Variants in RANBP2 observed in about 807,000 individuals in gnomAD.
RANBP2 encodes E3 SUMO-protein ligase RanBP2.
Under a neutral mutation model 303.6 loss-of-function variants are expected in RANBP2, and 57 were observed. That is an observed-to-expected ratio of 0.19 (90% CI 0.15 to 0.23). The LOEUF (loss-of-function observed/expected upper bound fraction) is 0.23, where lower values mean the gene tolerates loss of function less well. Ranked by LOEUF, RANBP2 falls within the 10% of genes least tolerant of loss-of-function variation. The pLI, the probability that RANBP2 is intolerant of heterozygous loss-of-function variation, is 1.00. For missense variants in RANBP2, 3,138 were observed against 3,780.8 expected, an observed-to-expected ratio of 0.83 and a Z score of 4.46; for synonymous variants, 1,167 against 1,301.5, an observed-to-expected ratio of 0.90 and a Z score of 2.23.
the RANBP2 span, among the ~76,000 whole-genome samples, chr2:108,871,560 A>T: frequency 6.6e-6 from 1 of 152,094 alleles, no homozygotes; most frequent in African/African-American, 2.4e-5. Context: ...TCCAAAAAAA[A>T]TAAAAGTTCC....
rs781162288 is a variant in RANBP2 at position 108,766,334 on chromosome 2, A to G, written c.5795A>G (p.Asn1932Ser). ...GCTCAGGATATTAGTGGCCAGAAGAATGGCCGTGGTGTGATTTTTGGCCAA... is the reference window on the plus strand; with the variant it reads ...GCTCAGGATATTAGTGGCCAGAAGAGTGGCCGTGGTGTGATTTTTGGCCAA... ...FQAQDISGQK[N>S]GRGVIFGQTS... Residue 1932 changes from asparagine (N) to serine (S), a missense_variant, in exon 20 of 29, where the codon AAT (asparagine) becomes AGT (serine). This residue lies in a region of RANBP2 where 348 missense variants were observed against 360.4 expected (regional missense o/e 0.97). Coordinates refer to ENST00000283195, the MANE Select transcript of RANBP2 (RefSeq NM_006267.5). 11 of 1,611,854 alleles carry G rather than the reference A, an allele frequency of 6.8e-6. No homozygotes were observed. The highest frequency in any genetic ancestry group is 9.3e-6 in the Non-Finnish European group (11 of 1,179,860).
At chr2:109,598,965 A>T in the RANBP2 span, among the ~76,000 whole-genome samples, 1 of 152,180 alleles carries the variant, frequency 6.6e-6, no homozygotes, top group African/African-American at 2.4e-5. Context: ...TTGAAACAAT[A>T]CTTTGAAAGA....
the RANBP2 span, among the ~76,000 whole-genome samples, chr2:109,220,201 G>A: frequency 6.6e-6 from 1 of 152,208 alleles, no homozygotes; most frequent in East Asian, 1.9e-4. Context: ...AACAAATGGT[G>A]CTGGGAAAAC....
chr2:109,035,187 G>T, the RANBP2 span, among the ~76,000 whole-genome samples: 1 of 152,128 alleles, frequency 6.6e-6, no homozygotes, highest in Non-Finnish European at 1.5e-5. Flanking sequence ...CCAAGTCAGG[G>T]CTCCCAACCT....
the RANBP2 span, among the ~76,000 whole-genome samples, chr2:108,796,400 A>G: frequency 2.0e-5 from 3 of 152,228 alleles, no homozygotes; most frequent in African/African-American, 7.2e-5. Flanking sequence ...CTTTGTAAGT[A>G]CAGCCACTGT....
Position 108,719,591 on chromosome 2 carries a change from C to G in RANBP2, c.-16C>G. 3 of 1,600,502 alleles carry G rather than the reference C, an allele frequency of 1.9e-6. No homozygotes were observed. The East Asian group carries it at 6.7e-5, about 36-fold the overall frequency. On this transcript the variant is annotated 5_prime_UTR_variant, in exon 1 of 29. Transcript: ENST00000283195. ...GCGCTGGTCTCACGCGCCTCGGGAG[C>G]CAGGTTGGCGGCGCGATGAGGCGCA...
At chr2:109,054,890 G>C in the RANBP2 span, among the ~76,000 whole-genome samples, 3 of 152,124 alleles carry the variant, frequency 2.0e-5, no homozygotes, top group Admixed American at 2.0e-4. Context: ...ATGCACATGG[G>C]ACAGGCAATA....
the RANBP2 span, among the ~76,000 whole-genome samples, chr2:109,635,213 C>T: frequency 1.6e-4 from 25 of 152,218 alleles, no homozygotes; most frequent in Middle Eastern, 6.8e-3. Flanking sequence ...GATGGAGTCT[C>T]GCTCTGTTGC....
chr2:109,462,564 A>G, the RANBP2 span, among the ~76,000 whole-genome samples: 1 of 152,116 alleles, frequency 6.6e-6, no homozygotes, highest in African/African-American at 2.4e-5. Context: ...CAAGTCTTTG[A>G]TGGTGGCACT....
the RANBP2 span, among the ~76,000 whole-genome samples, chr2:109,051,255 C>A: frequency 6.6e-6 from 1 of 152,194 alleles, no homozygotes; most frequent in Non-Finnish European, 1.5e-5. Flanking sequence ...CTGCAGAAGG[C>A]TTTTGTACCT....
At chr2:109,205,817 CTG>C in the RANBP2 span, among the ~76,000 whole-genome samples, 1 of 152,194 alleles carries the variant, frequency 6.6e-6, no homozygotes, top group Non-Finnish European at 1.5e-5. Context: ...GGGAAGCACA[CTG>C]TGTGTGTAAA....
chr2:109,613,773 G>A, the RANBP2 span: 26 of 1,217,426 alleles, frequency 2.1e-5, no homozygotes, highest in Non-Finnish European at 2.6e-5. Flanking sequence ...CGCGGGGCTG[G>A]GGCCCCGGCG....
chr2:109,360,629 T>G, the RANBP2 span, among the ~76,000 whole-genome samples: 1 of 152,232 alleles, frequency 6.6e-6, no homozygotes. Context: ...ATACTCAGCC[T>G]GTATATAGGA....
chr2:109,386,416 TAAAA>T, the RANBP2 span, among the ~76,000 whole-genome samples: 1 of 147,226 alleles, frequency 6.8e-6, no homozygotes, highest in Non-Finnish European at 1.5e-5. Flanking sequence ...ACAAGAAGTT[TAAAA>T]AAAAAAAAAA....
the RANBP2 span, chr2:108,846,737 G>A: frequency 6.2e-7 from 1 of 1,602,342 alleles, no homozygotes; most frequent in South Asian, 1.1e-5. Flanking sequence ...ATTTTTAACA[G>A]CACTCGACTA....
At chr2:109,153,353 G>A in the RANBP2 span, among the ~76,000 whole-genome samples, 11 of 152,086 alleles carry the variant, frequency 7.2e-5, no homozygotes, top group Admixed American at 1.3e-4. Flanking sequence ...TCTTCTTAGT[G>A]ATTTAAAAAA....
the RANBP2 span, among the ~76,000 whole-genome samples, chr2:109,063,509 G>A: frequency 3.9e-5 from 6 of 152,256 alleles, no homozygotes; most frequent in East Asian, 9.7e-4. Context: ...GCTGCAAGTC[G>A]GCCAGAAACA....
At chr2:109,479,727 A>G in the RANBP2 span, among the ~76,000 whole-genome samples, 5 of 152,194 alleles carry the variant, frequency 3.3e-5, no homozygotes, top group Non-Finnish European at 5.9e-5. Flanking sequence ...AAAGGAGGGA[A>G]TGAACCCCCT....
At chr2:109,324,282 T>C in the RANBP2 span, among the ~76,000 whole-genome samples, 1 of 152,150 alleles carries the variant, frequency 6.6e-6, no homozygotes, top group Non-Finnish European at 1.5e-5. Context: ...GATGTACAAG[T>C]TTTTTGTGGA....
Sources: allele counts gnomAD v4.1 joint callset (sites outside exome capture counted in the v4.1 genomes callset), GRCh38; gene constraint gnomAD v4.1.1; regional missense constraint gnomAD v4.1.1; transcripts MANE v1.5; gene names NCBI Gene and HGNC (gene_info 2026-07-23, HGNC 2026-07-21).